Variants in USH2A observed in about 807,000 individuals in gnomAD.
The protein encoded by USH2A is Usher syndrome 2A (autosomal recessive, mild).
USH2A carries 443 observed loss-of-function variants against 538.9 expected under a neutral mutation model. The ratio of observed to expected loss-of-function variants is 0.82; its 90% CI spans 0.76 to 0.89. The LOEUF is 0.89. USH2A is among the 40% of genes least tolerant of loss of function. The pLI is 0.00. For synonymous variants in USH2A, 2,413 were observed against 2,273.5 expected (o/e 1.06, Z -1.75); for missense variants, 6,633 against 6,324.8 (o/e 1.05, Z -1.65).
intron 13 of USH2A, 34 bp from the exon 14 acceptor site, chr1:216,232,170 C>CT (rs1268300023): frequency 6.3e-7 from 1 of 1,577,554 alleles, no homozygotes; most frequent in African/African-American, 1.4e-5. Context: ...TTTATATATA[C>CT]TTTTTATCCA....
intron 4 of USH2A, among the ~76,000 whole-genome samples, chr1:216,333,381 C>T (rs1349293635): frequency 6.6e-6 from 1 of 151,966 alleles, no homozygotes; most frequent in Admixed American, 6.6e-5. Context: ...AATTAATGAA[C>T]TTGAATACAG....
intron 13 of USH2A, among the ~76,000 whole-genome samples, chr1:216,238,755 T>C (rs2035877707): frequency 6.6e-6 from 1 of 152,174 alleles, no homozygotes. Flanking sequence ...TTTAGGAAAG[T>C]GGGACAAGAA....
rs1483917087 is a variant in USH2A, at chr1:215,870,280, ATTTTTTATTTT to A, written c.8682-3121_8682-3111del. Among the ~76,000 whole-genome samples, 6 of 148,376 alleles carry A rather than the reference ATTTTTTATTTT, an allele frequency of 4.0e-5. No individual in the cohort carries two copies. The East Asian group carries it at 7.8e-4, about 19-fold the overall frequency. On this transcript the variant is annotated intron_variant, in intron 43 of 71. Coordinates refer to ENST00000307340, the MANE Select transcript of USH2A (RefSeq NM_206933.4). ...TTTAAGGAAACAAGATTTTTTTTTT[ATTTTTTATTTT>A]TTTTTTATTTATTTATTTTTTTGAG...
chr1:215,949,172 A>T (rs1053853684), intron 37 of USH2A, among the ~76,000 whole-genome samples: 4 of 152,066 alleles, frequency 2.6e-5, no homozygotes, highest in Admixed American at 2.0e-4. Context: ...GAGATTTTTT[A>T]AATATTATAA....
At chr1:216,054,923 A>G (rs1417795538) in intron 30 of USH2A, among the ~76,000 whole-genome samples, 1 of 152,260 alleles carries the variant, frequency 6.6e-6, no homozygotes, top group East Asian at 1.9e-4. Flanking sequence ...TGGCGGTGAA[A>G]TCTGCATGCA....
chr1:215,846,732 T>C (rs1663859880), intron 44 of USH2A, among the ~76,000 whole-genome samples: 1 of 152,186 alleles, frequency 6.6e-6, no homozygotes, highest in Admixed American at 6.6e-5. Context: ...ATAGAACAAC[T>C]TCTGCTCATA....
At chr1:216,316,300 A>G (rs2037508236) in intron 9 of USH2A, among the ~76,000 whole-genome samples, 1 of 152,148 alleles carries the variant, frequency 6.6e-6, no homozygotes, top group Non-Finnish European at 1.5e-5. Flanking sequence ...TTTTATTTTT[A>G]TAAAGGGGTA....
chr1:215,985,210 A>T (rs1049523727), intron 35 of USH2A, among the ~76,000 whole-genome samples: 1 of 152,260 alleles, frequency 6.6e-6, no homozygotes. Context: ...ATAAAAAGTA[A>T]GAAAATCAAA....
intron 12 of USH2A, among the ~76,000 whole-genome samples, chr1:216,249,249 A>G (rs540982697): frequency 3.3e-5 from 5 of 152,208 alleles, no homozygotes; most frequent in Admixed American, 3.3e-4. Flanking sequence ...TTCACAAAAT[A>G]TATATTTATG....
intron 36 of USH2A, among the ~76,000 whole-genome samples, chr1:215,966,987 C>T (rs1452791085): frequency 6.6e-6 from 1 of 152,234 alleles, no homozygotes; most frequent in East Asian, 1.9e-4. Flanking sequence ...TTTGCTCTGA[C>T]CTGGTCTTTC....
chr1:216,407,725 C>T (rs772344511), intron 3 of USH2A, among the ~76,000 whole-genome samples: 2 of 152,012 alleles, frequency 1.3e-5, no homozygotes, highest in Non-Finnish European at 2.9e-5. Flanking sequence ...ATCAGTTAGC[C>T]CTTTGGGCAC....
At chr1:215,756,340 A>T (rs1159684859) in intron 58 of USH2A, among the ~76,000 whole-genome samples, 9 of 152,184 alleles carry the variant, frequency 5.9e-5, no homozygotes, top group Non-Finnish European at 5.9e-5. Context: ...CTGAACATGA[A>T]GTCTTCAGAT....
intron 21 of USH2A, among the ~76,000 whole-genome samples, chr1:216,161,193 T>C (rs1346350403): frequency 6.6e-6 from 1 of 152,152 alleles, no homozygotes; most frequent in Non-Finnish European, 1.5e-5. Context: ...CAACTACTGA[T>C]ATAGTTGAGT....
intron 11 of USH2A, among the ~76,000 whole-genome samples, chr1:216,258,830 AG>A (rs2036307700): frequency 6.6e-6 from 1 of 152,122 alleles, no homozygotes; most frequent in Non-Finnish European, 1.5e-5. Flanking sequence ...AGTCTCAAAA[AG>A]ACATTTGGAC....
At chr1:216,073,010 CAT>C in intron 28 of USH2A, 41 bp from the exon 29 acceptor site, 2 of 1,611,926 alleles carry the variant, frequency 1.2e-6, no homozygotes, top group East Asian at 2.2e-5. Flanking sequence ...AAATAATACT[CAT>C]ATAGATTAAT....
In USH2A at chr1:215,826,926, A is replaced by G. The variant is rs778924252; in HGVS notation, c.9372-9731T>C. ...AATCAGTGTTTAATAAACTTAGGGG[A>G]TTAAAAATACTTCAAAGATATATGT... On this transcript the variant is annotated intron_variant, in intron 47 of 71. Transcript: ENST00000307340. Among the ~76,000 whole-genome samples, 10 of 152,294 alleles carry G rather than the reference A, an allele frequency of 6.6e-5. No individual in the cohort carries two copies. The East Asian group carries it at 7.7e-4, about 12-fold the overall frequency.
At chr1:215,702,505 C>G (rs541736588) in intron 61 of USH2A, among the ~76,000 whole-genome samples, 26 of 151,978 alleles carry the variant, frequency 1.7e-4, no homozygotes, top group Admixed American at 1.4e-3. Flanking sequence ...TTTCTTGGAG[C>G]CTTTGTTTGT....
At chr1:216,050,604 C>CTTTCTTTCTTTCCTTCT (rs1195871302) in intron 30 of USH2A, among the ~76,000 whole-genome samples, 1 of 68,564 alleles carries the variant, frequency 1.5e-5, no homozygotes, top group African/African-American at 5.3e-5. Context: ...TTCTTTCTTT[C>CTTTCTTTCTTTCCTTCT]TTTTTTTTTT....
chr1:215,769,342 GA>G (rs1287724585), intron 55 of USH2A, among the ~76,000 whole-genome samples: 1 of 152,054 alleles, frequency 6.6e-6, no homozygotes, highest in Non-Finnish European at 1.5e-5. Flanking sequence ...GGGCATTAGG[GA>G]AAAAAGAAAA....
Sources: gnomAD v4.1 joint callset for allele counts (sites outside exome capture counted in the v4.1 genomes callset) on GRCh38, gnomAD v4.1.1 for gene constraint, MANE v1.5 for transcripts, NCBI Gene and HGNC (gene_info 2026-07-23, HGNC 2026-07-21) for gene names.